PCDHA6: variants seen among roughly 807,000 people sequenced by gnomAD.
PCDHA6 encodes protocadherin alpha 6, also known as protocadherin alpha-6.
A neutral mutation model predicts 60.3 loss-of-function variants in PCDHA6; 55 were observed. That is an observed-to-expected ratio of 0.91 (90% CI 0.73 to 1.14). The LOEUF is 1.14. PCDHA6 is among the 50% of genes most tolerant of loss of function. The pLI is 0.00. For synonymous variants in PCDHA6, 652 were observed against 557.9 expected (o/e 1.17, Z -2.38); for missense variants, 1,327 against 1,256.5 (o/e 1.06, Z -0.85).
At chr5:141,006,276 A>T (rs2098265134) in intron 3 of PCDHA6, among the ~76,000 whole-genome samples, 1 of 151,894 alleles carries the variant, frequency 6.6e-6, no homozygotes, top group Admixed American at 6.6e-5. Context: ...CAGTGGCACG[A>T]TCTCAGCTCA....
At chr5:140,859,117 T>C (rs1441256234) in intron 1 of PCDHA6, 3 of 150,206 alleles carry the variant, frequency 2.0e-5, no homozygotes, top group Non-Finnish European at 4.5e-5. Context: ...AGAAAATGTA[T>C]GTTTCTTTTA....
intron 1 of PCDHA6, among the ~76,000 whole-genome samples, chr5:140,889,326 G>A (rs2062188363): frequency 6.6e-6 from 1 of 151,922 alleles, no homozygotes; most frequent in African/African-American, 2.4e-5. Flanking sequence ...TCTGTATCAG[G>A]ATTTTGATTG....
At chr5:140,858,045 T>A (rs2150410176) in intron 1 of PCDHA6, 2 of 1,597,338 alleles carry the variant, frequency 1.3e-6, no homozygotes, top group Non-Finnish European at 1.7e-6. Flanking sequence ...ACTGTGCTTG[T>A]GTCGCTTGTG....
intron 1 of PCDHA6, chr5:140,863,098 A>C (rs781829362): frequency 1.7e-6 from 1 of 578,270 alleles, no homozygotes; most frequent in Non-Finnish European, 3.4e-6. Context: ...CACGACGAGT[A>C]CCCTGGACGA....
intron 1 of PCDHA6, chr5:140,836,726 C>A (rs1326875671): frequency 1.9e-6 from 3 of 1,610,534 alleles, no homozygotes; most frequent in Non-Finnish European, 2.5e-6. Context: ...AGGGTCCATC[C>A]TCTACAGACA....
chr5:140,882,198 G>A lies in PCDHA6; in HGVS notation c.2394+51713G>A, dbSNP rs964999330. ...CCGCACTAGGAAGCCATAAAAATTG[G>A]GCCTTGAGAGACAGTTTGAGGTAAG... On this transcript the variant is annotated intron_variant, in intron 1 of 3. Coordinates refer to ENST00000529310, the MANE Select transcript of PCDHA6 (RefSeq NM_018909.4). The A allele has an allele frequency of 8.5e-6, 13 of 1,525,466 alleles. 1 individual carries two copies. In the East Asian group the frequency reaches 2.5e-4, roughly 29 times the overall value. The allele number at this position is 1,525,466 out of a possible 1,614,324, so 94.5% of individuals were successfully genotyped here.
intron 1 of PCDHA6, chr5:140,927,776 T>C (rs781966197): frequency 7.4e-6 from 12 of 1,614,140 alleles, no homozygotes; most frequent in South Asian, 1.1e-5. Flanking sequence ...GAGGTGCAAG[T>C]AGCTGCTTCA....
At chr5:140,902,895 T>C (rs1554190698) in intron 1 of PCDHA6, among the ~76,000 whole-genome samples, 1 of 152,222 alleles carries the variant, frequency 6.6e-6, no homozygotes, top group Non-Finnish European at 1.5e-5. Flanking sequence ...TATTATTTTA[T>C]TTAGTTTATG....
In PCDHA6 at chr5:140,838,333, C is replaced by G. The variant is rs2150288073; in HGVS notation, c.2394+7848C>G. 4.4e-4 allele frequency among the ~76,000 whole-genome samples: 66 copies of G among 149,884 alleles called. 1 individual carries two copies. In the East Asian group the frequency reaches 0.012, roughly 26 times the overall value. ...GAAACAGAGTTTCACCATGTTGCCC[C>G]GGCTGGTCTCGAAATCTGGGACTCA... On this transcript the variant is annotated intron_variant, in intron 1 of 3. Transcript: ENST00000529310.
chr5:140,962,046 G>A (rs2095653396), intron 1 of PCDHA6, among the ~76,000 whole-genome samples: 1 of 151,964 alleles, frequency 6.6e-6, no homozygotes, highest in African/African-American at 2.4e-5. Flanking sequence ...ACCATGCCTG[G>A]CTAATTTTTT....
chr5:141,003,469 A>G (rs536017033), intron 3 of PCDHA6, among the ~76,000 whole-genome samples: 53 of 152,106 alleles, frequency 3.5e-4, no homozygotes, highest in Admixed American at 2.3e-3. Flanking sequence ...GCACCACCAC[A>G]GTCTCGCTAA....
intron 1 of PCDHA6, chr5:140,930,305 T>C (rs1554207723): frequency 6.6e-6 from 1 of 152,252 alleles, no homozygotes; most frequent in Non-Finnish European, 1.5e-5. Flanking sequence ...TAAGTAAATA[T>C]CATATTTGAG....
intron 1 of PCDHA6, among the ~76,000 whole-genome samples, chr5:140,978,488 C>A (rs1453613410): frequency 6.6e-6 from 1 of 152,224 alleles, no homozygotes; most frequent in African/African-American, 2.4e-5. Context: ...TCTGCAAAGC[C>A]AGCAGCAGAT....
chr5:140,968,500 C>T, intron 1 of PCDHA6: 2 of 1,614,222 alleles, frequency 1.2e-6, no homozygotes, highest in Middle Eastern at 1.6e-4. Context: ...ATGCCCCTCA[C>T]ATTCTGTACC....
At chr5:140,948,273 T>A (rs1563231021) in intron 1 of PCDHA6, among the ~76,000 whole-genome samples, 1 of 151,602 alleles carries the variant, frequency 6.6e-6, no homozygotes, top group South Asian at 2.1e-4. Context: ...ATGTAGAATA[T>A]CTGTAAATAA....
At chr5:140,959,317 A>G (rs1424960169) in intron 1 of PCDHA6, among the ~76,000 whole-genome samples, 3 of 152,078 alleles carry the variant, frequency 2.0e-5, no homozygotes, top group Non-Finnish European at 4.4e-5. Flanking sequence ...TGAAGCTGCA[A>G]TAAGTTTTGA....
chr5:140,949,809 G>A (rs782774481), intron 1 of PCDHA6, among the ~76,000 whole-genome samples: 1 of 151,712 alleles, frequency 6.6e-6, no homozygotes. Flanking sequence ...TACATTATTT[G>A]CTTTCTATTT....
intron 3 of PCDHA6, among the ~76,000 whole-genome samples, chr5:141,007,652 A>T (rs2098338412): frequency 6.6e-6 from 1 of 152,112 alleles, no homozygotes; most frequent in African/African-American, 2.4e-5. Flanking sequence ...TGCCTAAAAA[A>T]CCATAAATTT....
chr5:140,919,239 C>G (rs2079049864), intron 1 of PCDHA6, among the ~76,000 whole-genome samples: 1 of 152,188 alleles, frequency 6.6e-6, no homozygotes, highest in Non-Finnish European at 1.5e-5. Context: ...CACTTTTTGT[C>G]TTGTCTGTTT....
Sources: allele counts gnomAD v4.1 joint callset (sites outside exome capture counted in the v4.1 genomes callset), GRCh38; gene constraint gnomAD v4.1.1; transcripts MANE v1.5; gene names NCBI Gene and HGNC (gene_info 2026-07-23, HGNC 2026-07-21).